The following MEF2C variants were observed in gnomAD, a reference collection of about 807,000 sequenced individuals.
MEF2C encodes the protein myocyte-specific enhancer factor 2C.
In MEF2C, 6 loss-of-function variants were observed where a neutral mutation model predicts 50.5. The observed-to-expected ratio is 0.12, with a 90% CI of 0.07 to 0.23. MEF2C has a LOEUF of 0.23. MEF2C is among the 10% of genes least tolerant of loss of function. The pLI, the probability that MEF2C is intolerant of heterozygous loss-of-function variation, is 1.00. For synonymous variants in MEF2C, 183 were observed against 228.0 expected (o/e 0.80, Z 1.78); for missense variants, 276 against 605.0 (o/e 0.46, Z 5.70).
At chr5:88,803,757 C>G (rs1039242763) in intron 3 of MEF2C, among the ~76,000 whole-genome samples, 2 of 151,882 alleles carry the variant, frequency 1.3e-5, no homozygotes, top group African/African-American at 4.8e-5. Context: ...TGTAACTAAC[C>G]TGCACAATGT....
intron 3 of MEF2C, among the ~76,000 whole-genome samples, chr5:88,804,331 C>G (rs756586049): frequency 6.6e-5 from 10 of 152,116 alleles, no homozygotes; most frequent in Non-Finnish European, 1.2e-4. Flanking sequence ...GACCACTTGC[C>G]AAAGATGAAG....
chr5:88,896,753 T>C (rs148857447), intron 1 of MEF2C, among the ~76,000 whole-genome samples: 1 of 152,220 alleles, frequency 6.6e-6, no homozygotes, highest in Non-Finnish European at 1.5e-5. Flanking sequence ...AACTTTCTTA[T>C]TCCTTTTGAC....
chr5:88,800,265 C>G (rs1418529708), intron 3 of MEF2C, among the ~76,000 whole-genome samples: 1 of 152,172 alleles, frequency 6.6e-6, no homozygotes, highest in African/African-American at 2.4e-5. Context: ...TTGGAATGCT[C>G]TGGAAAAACA....
intron 2 of MEF2C, among the ~76,000 whole-genome samples, chr5:88,816,912 A>C (rs905524186): frequency 6.6e-6 from 1 of 151,926 alleles, no homozygotes; most frequent in African/African-American, 2.4e-5. Flanking sequence ...TTTTTCACTG[A>C]TTGAGCTTTT....
At chr5:88,773,175 C>T (rs926936260) in intron 3 of MEF2C, among the ~76,000 whole-genome samples, 1 of 152,190 alleles carries the variant, frequency 6.6e-6, no homozygotes, top group African/African-American at 2.4e-5. Context: ...TGAATGTTCC[C>T]AGCACATGGA....
At chr5:88,854,909 A>T (rs1168456363) in intron 1 of MEF2C, among the ~76,000 whole-genome samples, 2 of 152,228 alleles carry the variant, frequency 1.3e-5, no homozygotes, top group Non-Finnish European at 2.9e-5. Flanking sequence ...TAGAGCCTTT[A>T]GGGTCTTGTG....
At chr5:88,809,329 A>G (rs989235746) in intron 2 of MEF2C, among the ~76,000 whole-genome samples, 19 of 152,212 alleles carry the variant, frequency 1.2e-4, no homozygotes, top group African/African-American at 4.6e-4. Flanking sequence ...AAGAAAGTCT[A>G]TTCACAAAAA....
chr5:88,834,079 T>A (rs986962145), intron 1 of MEF2C, among the ~76,000 whole-genome samples: 3 of 152,142 alleles, frequency 2.0e-5, no homozygotes, highest in Non-Finnish European at 2.9e-5. Context: ...CTGCCCTGGC[T>A]CACTGTAAAA....
chr5:88,870,899 C>T (rs879922949), intron 1 of MEF2C, among the ~76,000 whole-genome samples: 2 of 152,006 alleles, frequency 1.3e-5, no homozygotes, highest in Admixed American at 1.3e-4. Context: ...ATTGTATTGA[C>T]AAGTGCCAAA....
At chr5:88,874,178 C>T (rs1396266068) in intron 1 of MEF2C, among the ~76,000 whole-genome samples, 1 of 151,866 alleles carries the variant, frequency 6.6e-6, no homozygotes, top group African/African-American at 2.4e-5. Flanking sequence ...CTAATAGAGT[C>T]AACGTTTTAA....
At chr5:88,869,240 A>G (rs998310032) in intron 1 of MEF2C, among the ~76,000 whole-genome samples, 1 of 128,474 alleles carries the variant, frequency 7.8e-6, no homozygotes, top group Non-Finnish European at 1.8e-5. Context: ...GCAGAAATCT[A>G]AAACTAGTTT....
At chr5:88,881,367 T>C (rs1036043735) in intron 1 of MEF2C, 2 of 152,234 alleles carry the variant, frequency 1.3e-5, no homozygotes, top group Non-Finnish European at 2.9e-5. Flanking sequence ...TTTAACTTAA[T>C]TTCATGCATA....
intron 1 of MEF2C, among the ~76,000 whole-genome samples, chr5:88,876,273 C>CTG (rs372619836): frequency 6.6e-6 from 1 of 151,336 alleles, no homozygotes; most frequent in African/African-American, 2.4e-5. Context: ...GTGTGTTCTT[C>CTG]TGTGTGTGTG....
At chr5:88,806,957 A>G (rs1470579983) in intron 2 of MEF2C, among the ~76,000 whole-genome samples, 2 of 152,212 alleles carry the variant, frequency 1.3e-5, no homozygotes, top group African/African-American at 4.8e-5. Context: ...AAAAATTGAT[A>G]GGGGAAGCTA....
intron 4 of MEF2C, 125 bp from the exon 5 acceptor site, chr5:88,752,168 C>A: frequency 1.2e-6 from 1 of 839,678 alleles, no homozygotes; most frequent in Non-Finnish European, 1.8e-6. Context: ...GTCTAGAAGA[C>A]CATTAAGAAG....
At chr5:88,808,238 T>C (rs750274199) in intron 2 of MEF2C, among the ~76,000 whole-genome samples, 4 of 152,172 alleles carry the variant, frequency 2.6e-5, no homozygotes, top group African/African-American at 4.8e-5. Context: ...CTTAGTGAAA[T>C]AGGCTACAGA....
At position 88,731,737 on chromosome 5, in the gene MEF2C, G is replaced by A; in HGVS notation, c.802C>T (p.Pro268Ser). 1 of 1,612,620 alleles carries A rather than the reference G, an allele frequency of 6.2e-7. No homozygotes were observed. Among genetic ancestry groups the A allele is most frequent in the Non-Finnish European group, 8.5e-7 (1 of 1,178,904 alleles). The change falls in exon 7 of 11, where the codon CCA becomes TCA. Residue 268 changes from proline to serine, a missense_variant. Coordinates refer to ENST00000504921, the MANE Select transcript of MEF2C (RefSeq NM_002397.5). ...LIPPGSKNTMPSVSEDVDLLL... is the reference protein window; with the variant it reads ...LIPPGSKNTMSSVSEDVDLLL... ...ATGTAGTTTTGTATTACCACTGATG[G>A]CATCGTATTCTTGCTGCCTGGTGGA...
At chr5:88,823,631 T>C in intron 2 of MEF2C, 104 bp downstream of exon 2, 1 of 1,103,088 alleles carries the variant, frequency 9.1e-7, no homozygotes, top group South Asian at 1.8e-5. Flanking sequence ...CCCAAACTTC[T>C]CTTAATAGAT....
At chr5:88,749,000 T>A in intron 6 of MEF2C, 70 bp downstream of exon 6, 1 of 1,550,168 alleles carries the variant, frequency 6.5e-7, no homozygotes, top group South Asian at 1.2e-5. Flanking sequence ...CAAAAGACTT[T>A]GTCCTGCAAA....
Sources: gnomAD v4.1 joint callset for allele counts (sites outside exome capture counted in the v4.1 genomes callset) on GRCh38, gnomAD v4.1.1 for gene constraint, MANE v1.5 for transcripts, NCBI Gene and HGNC (gene_info 2026-07-23, HGNC 2026-07-21) for gene names.